Variants in CLIP2 observed in about 807,000 individuals in gnomAD.
The protein encoded by CLIP2 is CAP-Gly domain-containing linker protein 2.
In CLIP2, 41 loss-of-function variants were observed where a neutral mutation model predicts 111.7. The ratio of observed to expected loss-of-function variants is 0.37; its 90% CI spans 0.29 to 0.48. The LOEUF (loss-of-function observed/expected upper bound fraction) is 0.48, where lower values mean the gene tolerates loss of function less well. Among genes scored for constraint, CLIP2 ranks in the 20% least tolerant of loss-of-function variants. The probability of loss-of-function intolerance (pLI) is 0.99; values close to 1 mark genes in which losing one functional copy is unlikely to be tolerated. For synonymous variants in CLIP2, 660 were observed against 644.2 expected, an observed-to-expected ratio of 1.02 and a Z score of -0.37; for missense variants, 1,160 against 1,422.1, an observed-to-expected ratio of 0.82 and a Z score of 2.96.
chr7:74,368,558 A>C (rs1362265522), intron 8 of CLIP2, among the ~76,000 whole-genome samples: 9 of 151,376 alleles, frequency 5.9e-5, no homozygotes, highest in Admixed American at 2.6e-4. Context: ...AAATAAAATA[A>C]ATAAAAAATA....
At chr7:74,381,642 C>A in intron 11 of CLIP2, 1 of 456,198 alleles carries the variant, frequency 2.2e-6, no homozygotes, top group Non-Finnish European at 4.4e-6. Flanking sequence ...TACGAGCAAG[C>A]AAGTGACACA....
At chr7:74,317,855 A>G (rs1212784148) in intron 2 of CLIP2, among the ~76,000 whole-genome samples, 188 bp downstream of exon 2, 2 of 152,146 alleles carry the variant, frequency 1.3e-5, no homozygotes, top group East Asian at 1.9e-4. Flanking sequence ...GGGAGGGGAC[A>G]TGGGCGCTGA....
In CLIP2 at chr7:74,312,116, T is replaced by G. The variant is rs139216462; in HGVS notation, c.-67-5364T>G. Among the ~76,000 whole-genome samples the G allele has an allele frequency of 5.2e-4, 79 of 151,928 alleles. No individual in the cohort carries two copies. The East Asian group carries it at 0.015, about 28-fold the overall frequency. On this transcript the variant is annotated intron_variant, in intron 1 of 16. Transcript: ENST00000223398. ...CAAAAATTAGCCAATGTGGTGGCAA[T>G]GGGACGCCTGTAGTCCCAGCTACTT...
chr7:74,356,304 G>C (rs1449100724), intron 4 of CLIP2, 106 bp from the exon 5 acceptor site: 2 of 913,848 alleles, frequency 2.2e-6, no homozygotes, highest in Non-Finnish European at 3.6e-6. Context: ...CCCCAAGGAG[G>C]TGTCTTTCTC....
At position 74,400,415 on chromosome 7, in the gene CLIP2, G is replaced by C. The variant is rs782439756; in HGVS notation, c.2926G>C (p.Asp976His). 6 of 1,613,630 alleles carry C rather than the reference G, an allele frequency of 3.7e-6. No homozygotes were observed. The highest frequency in any genetic ancestry group is 2.2e-5 in the East Asian group (1 of 44,882). ...LSDQRRYSLI[D>H]RSSAPELLRL... is the part of the protein sequence containing the mutation. ...GGATCAGAGGCGCTACTCCCTCATC[G>C]ACCGGTCCTCGGCGCCCGAGCTTCT... The change falls in exon 15 of 17, where the codon GAC becomes CAC. Residue 976 changes from aspartate to histidine, a missense_variant. Around this residue, in one of 5 missense-constraint regions of CLIP2, gnomAD observed 676 missense variants for 777.8 expected, o/e 0.87. Transcript: ENST00000223398.
chr7:74,393,304 A>G (rs1791348914), intron 13 of CLIP2, among the ~76,000 whole-genome samples: 1 of 151,628 alleles, frequency 6.6e-6, no homozygotes, highest in African/African-American at 2.4e-5. Flanking sequence ...CTGGGAGTAC[A>G]GGCATGAGCC....
At chr7:74,325,330 A>C (rs1180600071) in intron 2 of CLIP2, among the ~76,000 whole-genome samples, 2 of 152,106 alleles carry the variant, frequency 1.3e-5, no homozygotes, top group African/African-American at 4.8e-5. Flanking sequence ...TTTGGGATCC[A>C]CCTGGGGGCA....
rs781819384 is a variant in CLIP2, at chr7:74,386,633, G to A, written c.2563+29G>A. On this transcript the variant is annotated intron_variant, in intron 12 of 16. Transcript: ENST00000223398. ...AGTCTCCCTCCCGCAGGGCAGATGC[G>A]GGGGGCTTTCACTGGGGCCGTGCCA... The A allele has an allele frequency of 1.6e-5, 25 of 1,563,428 alleles. No homozygotes were observed. In the East Asian group the frequency reaches 2.8e-4, roughly 18 times the overall value.
At chr7:74,356,357 C>A in intron 4 of CLIP2, 53 bp from the exon 5 acceptor site, 1 of 1,483,996 alleles carries the variant, frequency 6.7e-7, no homozygotes, top group Non-Finnish European at 9.4e-7. Context: ...GCAGGGGAGG[C>A]TCTCCAGGCT....
At chr7:74,353,571 G>A (rs186815243) in intron 3 of CLIP2, among the ~76,000 whole-genome samples, 94 of 152,270 alleles carry the variant, frequency 6.2e-4, no homozygotes, top group South Asian at 1.2e-3. Flanking sequence ...TTTTACAGAT[G>A]AAGATGCTGA....
At chr7:74,339,699 A>G (rs1431665988) in intron 3 of CLIP2, among the ~76,000 whole-genome samples, 1 of 152,230 alleles carries the variant, frequency 6.6e-6, no homozygotes, top group Non-Finnish European at 1.5e-5. Context: ...GTACCCATAC[A>G]TTTTGGCTAT....
intron 2 of CLIP2, among the ~76,000 whole-genome samples, chr7:74,321,556 A>G (rs1788953635): frequency 1.3e-5 from 2 of 151,420 alleles, no homozygotes; most frequent in South Asian, 4.2e-4. Context: ...TGCAACCTCC[A>G]CCTCCCGGGT....
intron 2 of CLIP2, among the ~76,000 whole-genome samples, chr7:74,322,813 C>A (rs556347616): frequency 1.5e-3 from 226 of 152,184 alleles, no homozygotes; most frequent in Non-Finnish European, 2.9e-3. Flanking sequence ...TCACTGCAAC[C>A]TTCGACTCCC....
chr7:74,380,961 C>A (rs1554313803), intron 11 of CLIP2, 98 bp downstream of exon 11: 1 of 1,212,502 alleles, frequency 8.2e-7, no homozygotes, highest in Non-Finnish European at 1.2e-6. Context: ...CATCATCTGC[C>A]ATTTGGTAAG....
chr7:74,338,668 C>A lies in CLIP2; in HGVS notation c.342C>A (p.Asp114Glu). The change falls in exon 3 of 17, where the codon GAC becomes GAA. Residue 114 changes from aspartate to glutamate, a missense_variant. Transcript: ENST00000223398. The surrounding 1 kb of genome is among the most constrained non-coding windows in gnomAD (Gnocchi z 4.3). ...APGQWAGVVL[D>E]DPVGKNDGAV... ...GCCAGTGGGCTGGCGTGGTGCTGGA[C>A]GACCCGGTGGGCAAGAATGATGGCG... The A allele has an allele frequency of 6.3e-7, 1 of 1,576,094 alleles. No homozygotes were observed. Among genetic ancestry groups the A allele is most frequent in the South Asian group, 1.1e-5 (1 of 87,252 alleles).
At chr7:74,369,336 G>C (rs1790542584) in intron 8 of CLIP2, among the ~76,000 whole-genome samples, 1 of 152,142 alleles carries the variant, frequency 6.6e-6, no homozygotes, top group Admixed American at 6.6e-5. Context: ...GGGCAACAGA[G>C]TGAGACTCTG....
chr7:74,322,261 G>A (rs1159289235), intron 2 of CLIP2, among the ~76,000 whole-genome samples: 1 of 151,464 alleles, frequency 6.6e-6, no homozygotes, highest in Non-Finnish European at 1.5e-5. Context: ...AAAGTGCTGG[G>A]AGTACAGGCG....
At chr7:74,357,859 C>A (rs1481232800) in intron 6 of CLIP2, among the ~76,000 whole-genome samples, 2 of 150,980 alleles carry the variant, frequency 1.3e-5, no homozygotes, top group Admixed American at 6.6e-5. Context: ...TCGGTTCAAG[C>A]GATTCTCCTG....
At chr7:74,293,463 T>TG (rs1322073833) in intron 1 of CLIP2, among the ~76,000 whole-genome samples, 1 of 151,958 alleles carries the variant, frequency 6.6e-6, no homozygotes, top group Non-Finnish European at 1.5e-5. Flanking sequence ...GACCTCCCAG[T>TG]GGGGGTCTCC....
Sources: allele counts gnomAD v4.1 joint callset (sites outside exome capture counted in the v4.1 genomes callset), GRCh38; gene constraint gnomAD v4.1.1; regional missense constraint gnomAD v4.1.1; non-coding constraint Gnocchi (gnomAD v3.1); transcripts MANE v1.5; gene names NCBI Gene and HGNC (gene_info 2026-07-23, HGNC 2026-07-21).